Variants in PARP8 observed in about 807,000 individuals in gnomAD.
PARP8 encodes protein mono-ADP-ribosyltransferase PARP8.
In PARP8, 51 loss-of-function variants were observed where a neutral mutation model predicts 124.1. That is an observed-to-expected ratio of 0.41 (90% CI 0.33 to 0.52). The LOEUF (loss-of-function observed/expected upper bound fraction) is 0.52. Among genes scored for constraint, PARP8 ranks in the 20% least tolerant of loss-of-function variants. The pLI is 0.21. For missense variants in PARP8, 860 were observed against 1,018.9 expected, an observed-to-expected ratio of 0.84 and a Z score of 2.12; for synonymous variants, 391 against 361.5, an observed-to-expected ratio of 1.08 and a Z score of -0.93.
chr5:50,794,328 C>T lies in PARP8; in HGVS notation c.859C>T (p.Arg287Cys), dbSNP rs537537657. 19 of 1,612,398 alleles carry T rather than the reference C, an allele frequency of 1.2e-5. No individual in the cohort carries two copies. Among genetic ancestry groups the T allele is most frequent in the Middle Eastern group, 1.7e-4 (1 of 6,048 alleles). Residue 287 changes from arginine to cysteine, a missense_variant, in exon 11 of 26, where the codon CGC becomes TGC. Physicochemically the swap from Arg to Cys is radical, Grantham distance 180 (BLOSUM62 -3). Transcript: ENST00000281631. Reference sequence around the variant, plus strand: ...TCCCCTGCATTTATTTTCTACTTTGCGCAGGTTGGTAACAGGCAACTTCGT... The same window carrying T: ...TCCCCTGCATTTATTTTCTACTTTGTGCAGGTTGGTAACAGGCAACTTCGT... Reference protein sequence around the residue: ...KSPLHLFSTLRRSPSYPPPGC... With the variant: ...KSPLHLFSTLCRSPSYPPPGC...
intron 2 of PARP8, among the ~76,000 whole-genome samples, chr5:50,706,702 A>C (rs2149482971): frequency 6.6e-6 from 1 of 152,248 alleles, no homozygotes; most frequent in South Asian, 2.1e-4. Context: ...ATGTTATAGT[A>C]CACATAAGCA....
At chr5:50,788,218 A>G in intron 9 of PARP8, among the ~76,000 whole-genome samples, 1 of 145,370 alleles carries the variant, frequency 6.9e-6, no homozygotes, top group South Asian at 2.1e-4. Flanking sequence ...ATTATTATAC[A>G]TTATACTGTA....
intron 2 of PARP8, among the ~76,000 whole-genome samples, chr5:50,727,077 AG>A (rs1756499993): frequency 6.6e-6 from 1 of 152,160 alleles, no homozygotes; most frequent in Non-Finnish European, 1.5e-5. Flanking sequence ...AGAAAAACAC[AG>A]GCAATTCCTT....
intron 2 of PARP8, among the ~76,000 whole-genome samples, chr5:50,675,990 T>G (rs1042943003): frequency 1.1e-4 from 17 of 152,230 alleles, no homozygotes; most frequent in Non-Finnish European, 1.9e-4. Context: ...CCCAAACTGT[T>G]TAATTAGATA....
intron 7 of PARP8, among the ~76,000 whole-genome samples, chr5:50,776,331 T>C (rs1409886196): frequency 6.6e-6 from 1 of 152,214 alleles, no homozygotes; most frequent in Non-Finnish European, 1.5e-5. Context: ...TCATCAGGAA[T>C]ATTGGCTTGT....
chr5:50,738,226 A>G (rs1365538879), intron 2 of PARP8, among the ~76,000 whole-genome samples: 1 of 152,238 alleles, frequency 6.6e-6, no homozygotes, highest in Non-Finnish European at 1.5e-5. Context: ...CTGAAATAGC[A>G]TGTAACCACT....
At chr5:50,746,151 C>T (rs559922040) in intron 2 of PARP8, among the ~76,000 whole-genome samples, 2 of 152,258 alleles carry the variant, frequency 1.3e-5, no homozygotes, top group African/African-American at 4.8e-5. Context: ...GTTCAAAATA[C>T]TAATCTGCCT....
chr5:50,760,271 T>C, intron 4 of PARP8, 21 bp from the exon 5 acceptor site: 1 of 1,482,454 alleles, frequency 6.7e-7, no homozygotes, highest in Non-Finnish European at 9.1e-7. Context: ...TAATATTTTT[T>C]AAATTACAAC....
intron 15 of PARP8, among the ~76,000 whole-genome samples, chr5:50,818,245 C>T (rs1236384698): frequency 9.5e-6 from 1 of 105,320 alleles, no homozygotes; most frequent in Non-Finnish European, 1.8e-5. Flanking sequence ...CTTTTCTTCC[C>T]CCTCGAGAGA....
chr5:50,828,022 G>T lies in PARP8; in HGVS notation c.2056G>T (p.Ala686Ser), dbSNP rs780688237. 6.2e-7 allele frequency: 1 copy of T among 1,613,042 alleles called. No homozygotes were observed. The highest frequency in any genetic ancestry group is 1.1e-5 in the South Asian group (1 of 91,056). The stretch of plus-strand genomic sequence containing the variant: ...AGCCAAAGAATCCAATTTTAGAGCT[G>T]CTAAAAAACTCTTTGGAAGCACCTT... ...PPAKESNFRAAKKLFGSTFAF... is the reference protein window; with the variant it reads ...PPAKESNFRASKKLFGSTFAF... The change falls in exon 20 of 26, where the codon GCT becomes TCT. Residue 686 changes from alanine to serine, a missense_variant. Ala to Ser is a moderately conservative substitution (Grantham distance 99). Coordinates refer to ENST00000281631, the MANE Select transcript of PARP8 (RefSeq NM_024615.4).
chr5:50,784,782 T>C (rs1315226065), intron 9 of PARP8, among the ~76,000 whole-genome samples: 4 of 152,134 alleles, frequency 2.6e-5, no homozygotes, highest in Non-Finnish European at 5.9e-5. Context: ...GTTTTTTGTT[T>C]GCTTTTTTTG....
intron 15 of PARP8, among the ~76,000 whole-genome samples, chr5:50,820,555 T>TC (rs1360425580): frequency 1.3e-5 from 2 of 152,202 alleles, no homozygotes; most frequent in Non-Finnish European, 2.9e-5. Flanking sequence ...CTTTAGCCAA[T>TC]CAAAGGTCAT....
intron 14 of PARP8, among the ~76,000 whole-genome samples, chr5:50,806,320 A>G (rs1287947554): frequency 1.3e-5 from 2 of 151,944 alleles, no homozygotes; most frequent in Non-Finnish European, 1.5e-5. Context: ...GACTACATTT[A>G]TGTTCTGGAA....
chr5:50,785,098 G>C (rs1446229655), intron 9 of PARP8, among the ~76,000 whole-genome samples: 1 of 151,758 alleles, frequency 6.6e-6, no homozygotes, highest in Non-Finnish European at 1.5e-5. Flanking sequence ...AATATTTTAT[G>C]AATTACAAAT....
chr5:50,772,315 G>A (rs1423266636), intron 7 of PARP8, among the ~76,000 whole-genome samples: 1 of 152,116 alleles, frequency 6.6e-6, no homozygotes, highest in African/African-American at 2.4e-5. Context: ...ATATACATGG[G>A]GGCACAGATA....
At chr5:50,747,163 GT>G (rs1211253892) in intron 2 of PARP8, among the ~76,000 whole-genome samples, 137 of 95,494 alleles carry the variant, frequency 1.4e-3, no homozygotes, top group African/African-American at 4.0e-3. Flanking sequence ...TGTTTGTTTT[GT>G]TTTTTTTTTT....
At chr5:50,811,641 C>T (rs1423761033) in intron 14 of PARP8, among the ~76,000 whole-genome samples, 1 of 151,876 alleles carries the variant, frequency 6.6e-6, no homozygotes, top group East Asian at 1.9e-4. Context: ...GCACGAAGTG[C>T]AGGTTTGTTA....
chr5:50,696,995 G>A (rs956291069), intron 2 of PARP8, among the ~76,000 whole-genome samples: 123 of 152,214 alleles, frequency 8.1e-4, no homozygotes, highest in African/African-American at 2.9e-3. Flanking sequence ...TGTGCCGGGC[G>A]GGGTGGCTCA....
At chr5:50,751,368 T>G (rs1759242226) in intron 3 of PARP8, among the ~76,000 whole-genome samples, 1 of 152,172 alleles carries the variant, frequency 6.6e-6, no homozygotes, top group Admixed American at 6.5e-5. Flanking sequence ...CTGAATTCTC[T>G]AACTGGAGCA....
Sources: gnomAD v4.1 joint callset for allele counts (sites outside exome capture counted in the v4.1 genomes callset) on GRCh38, gnomAD v4.1.1 for gene constraint, MANE v1.5 for transcripts, NCBI Gene and HGNC (gene_info 2026-07-23, HGNC 2026-07-21) for gene names.